Variants in VPS41 observed in about 807,000 individuals in gnomAD.
VPS41 encodes the protein vacuolar protein sorting-associated protein 41 homolog.
A neutral mutation model predicts 130.9 loss-of-function variants in VPS41; 85 were observed. The observed-to-expected ratio is 0.65, with a 90% CI of 0.55 to 0.78. The LOEUF (loss-of-function observed/expected upper bound fraction) is 0.78, where lower values mean the gene tolerates loss of function less well. VPS41 is among the 30% of genes least tolerant of loss of function. The pLI is 0.00. For missense variants in VPS41, 874 were observed against 1,018.7 expected (o/e 0.86, Z 1.93); for synonymous variants, 335 against 332.9 (o/e 1.01, Z -0.07).
At chr7:38,762,660 G>A (rs937685574) in intron 17 of VPS41, among the ~76,000 whole-genome samples, 2 of 152,160 alleles carry the variant, frequency 1.3e-5, no homozygotes, top group African/African-American at 4.8e-5. Flanking sequence ...GTGATCAAAA[G>A]TGTTGTTAGG....
intron 6 of VPS41, among the ~76,000 whole-genome samples, chr7:38,819,819 A>G (rs1244276206): frequency 6.6e-6 from 1 of 151,948 alleles, no homozygotes; most frequent in African/African-American, 2.4e-5. Context: ...TTTCACCATC[A>G]GTCTTCTCTT....
rs146665074 is a variant in VPS41 at position 38,777,513 on chromosome 7, T to C, written c.785-737A>G. On this transcript the variant is annotated intron_variant, in intron 10 of 28. Coordinates refer to ENST00000310301, the MANE Select transcript of VPS41 (RefSeq NM_014396.4). ...TTATATGATTCTAATTATTAGCTGC[T>C]ATAAAATATAAAAGATCATTGTTTT... 4.4e-3 allele frequency among the ~76,000 whole-genome samples: 663 copies of C among 152,354 alleles called. 8 individuals are homozygous for C. The highest frequency in any genetic ancestry group is 0.015 in the African/African-American group (622 of 41,588).
At chr7:38,853,519 TC>T (rs1453942859) in intron 4 of VPS41, among the ~76,000 whole-genome samples, 1 of 152,166 alleles carries the variant, frequency 6.6e-6, no homozygotes, top group African/African-American at 2.4e-5. Flanking sequence ...AATTTCACTT[TC>T]TACAGGTTCC....
intron 5 of VPS41, among the ~76,000 whole-genome samples, chr7:38,826,800 G>A (rs1321263012): frequency 6.6e-6 from 1 of 151,964 alleles, no homozygotes; most frequent in African/African-American, 2.4e-5. Flanking sequence ...AGTAATTTTT[G>A]TTTATTTATT....
rs1179376848 is a variant in VPS41 at position 38,809,466 on chromosome 7, A to T, written c.450+8351T>A. Among the ~76,000 whole-genome samples, 4 of 151,740 alleles carry T rather than the reference A, an allele frequency of 2.6e-5. No individual in the cohort carries two copies. In the East Asian group the frequency reaches 7.7e-4, roughly 29 times the overall value. On this transcript the variant is annotated intron_variant, in intron 7 of 28. Coordinates refer to ENST00000310301, the MANE Select transcript of VPS41 (RefSeq NM_014396.4). Reference sequence around the variant, plus strand: ...AGAAATAAAATTTAAAAACAATCTTAATAATAATTTTTTAAATATTTACAG... The same window carrying T: ...AGAAATAAAATTTAAAAACAATCTTTATAATAATTTTTTAAATATTTACAG...
chr7:38,765,021 T>C (rs539493297), intron 16 of VPS41, among the ~76,000 whole-genome samples: 1 of 152,274 alleles, frequency 6.6e-6, no homozygotes, highest in African/African-American at 2.4e-5. Flanking sequence ...AAAGCATATT[T>C]ATAACTTGAA....
At chr7:38,743,080 A>G (rs1374366763) in intron 24 of VPS41, among the ~76,000 whole-genome samples, 1 of 29,774 alleles carries the variant, frequency 3.4e-5, no homozygotes, top group Admixed American at 4.6e-4. Flanking sequence ...CTAAAAACAA[A>G]AAAAAACCAC....
rs192646739 is a variant in VPS41, at chr7:38,839,036, C to T, written c.247-8708G>A. Among the ~76,000 whole-genome samples, 7 of 152,326 alleles carry T rather than the reference C, an allele frequency of 4.6e-5. No individual in the cohort carries two copies. In the East Asian group the frequency reaches 7.7e-4, roughly 17 times the overall value. ...TTCCTTCAAAAATGCTGCATCCCCA[C>T]GGACCCAGAGAGGAATGAATAAGAA... On this transcript the variant is annotated intron_variant, in intron 4 of 28. Coordinates refer to ENST00000310301, the MANE Select transcript of VPS41 (RefSeq NM_014396.4).
At chr7:38,748,272 GAAT>G (rs902700126) in intron 22 of VPS41, among the ~76,000 whole-genome samples, 1 of 152,008 alleles carries the variant, frequency 6.6e-6, no homozygotes, top group Admixed American at 6.5e-5. Context: ...TGAAAAATCA[GAAT>G]AATAATAGAA....
Position 38,765,645 on chromosome 7 carries a change from G to T in VPS41, c.1264C>A (p.Leu422Ile). ...DIAARKCQKI[L>I]GKNAALWEYE... Reference sequence around the variant, plus strand: ...TCCCAGAGTGCTGCATTTTTCCCAAGAATTTTCTGGCATTTGCTGGCAGTA... The same window carrying T: ...TCCCAGAGTGCTGCATTTTTCCCAATAATTTTCTGGCATTTGCTGGCAGTA... Residue 422 changes from leucine to isoleucine, a missense_variant, in exon 16 of 29, where the codon CTT (leucine) becomes ATT (isoleucine). Coordinates refer to ENST00000310301, the MANE Select transcript of VPS41 (RefSeq NM_014396.4). 2 of 1,597,682 alleles carry T rather than the reference G, an allele frequency of 1.3e-6. No homozygotes were observed. The highest frequency in any genetic ancestry group is 1.7e-6 in the Non-Finnish European group (2 of 1,175,386).
At chr7:38,729,381 C>A (rs907356863) in intron 25 of VPS41, among the ~76,000 whole-genome samples, 33 of 152,176 alleles carry the variant, frequency 2.2e-4, no homozygotes, top group Admixed American at 5.9e-4. Flanking sequence ...CAAATCTAAT[C>A]CAAACCATTC....
intron 2 of VPS41, among the ~76,000 whole-genome samples, chr7:38,881,677 T>C (rs1447508655): frequency 6.6e-6 from 1 of 152,178 alleles, no homozygotes; most frequent in Non-Finnish European, 1.5e-5. Context: ...GATAAAACAA[T>C]TCTCCGGTTG....
chr7:38,896,083 G>C (rs1786983995), intron 2 of VPS41, among the ~76,000 whole-genome samples: 1 of 152,136 alleles, frequency 6.6e-6, no homozygotes, highest in Non-Finnish European at 1.5e-5. Context: ...TAGAGGCCTA[G>C]ATTGTGTGTG....
chr7:38,843,145 G>A (rs780507912), intron 4 of VPS41, among the ~76,000 whole-genome samples: 3 of 152,112 alleles, frequency 2.0e-5, no homozygotes. Context: ...AAAATTTAAA[G>A]GATGATAAAG....
chr7:38,867,376 C>T (rs1199227361), intron 3 of VPS41, among the ~76,000 whole-genome samples: 1 of 151,556 alleles, frequency 6.6e-6, no homozygotes, highest in East Asian at 1.9e-4. Flanking sequence ...GAAACCCTGT[C>T]TCTACTAAAA....
intron 4 of VPS41, among the ~76,000 whole-genome samples, chr7:38,858,665 A>T (rs1358279897): frequency 2.0e-5 from 3 of 152,216 alleles, no homozygotes; most frequent in African/African-American, 7.2e-5. Flanking sequence ...GTGTCACTGC[A>T]GCCTAGTAAC....
intron 9 of VPS41, among the ~76,000 whole-genome samples, chr7:38,791,360 A>G (rs565469870): frequency 6.6e-6 from 1 of 152,370 alleles, no homozygotes; most frequent in Middle Eastern, 3.4e-3. Context: ...GGTTTGAAGT[A>G]TAATAAAAAA....
intron 1 of VPS41, among the ~76,000 whole-genome samples, chr7:38,898,541 T>G (rs907848848): frequency 1.2e-4 from 19 of 152,210 alleles, no homozygotes; most frequent in Admixed American, 8.5e-4. Context: ...ATCATGCTAT[T>G]AATCTGGTTG....
At position 38,796,791 on chromosome 7, in the gene VPS41, C is replaced by T. The variant is rs781235296; in HGVS notation, c.524G>A (p.Arg175Lys). 3.7e-6 allele frequency: 6 copies of T among 1,614,018 alleles called. No homozygotes were observed. In the South Asian group the frequency reaches 4.4e-5, roughly 12 times the overall value. Reference protein sequence around the residue: ...AVLHEGEGNIRSVKWRGHLIA... With the variant: ...AVLHEGEGNIKSVKWRGHLIA... Reference sequence around the variant, plus strand: ...CAGATGGCCTCTCCACTTCACACTCCTTATGTTCCCTTCCCCTTCATGCAG... The same window carrying T: ...CAGATGGCCTCTCCACTTCACACTCTTTATGTTCCCTTCCCCTTCATGCAG... Residue 175 changes from arginine to lysine, a missense_variant, in exon 8 of 29, where the codon AGG (arginine) becomes AAG (lysine). Physicochemically the swap from Arg to Lys is conservative, Grantham distance 26 (BLOSUM62 2). Transcript: ENST00000310301.
Sources: allele counts gnomAD v4.1 joint callset (sites outside exome capture counted in the v4.1 genomes callset), GRCh38; gene constraint gnomAD v4.1.1; transcripts MANE v1.5; gene names NCBI Gene and HGNC (gene_info 2026-07-23, HGNC 2026-07-21).